Variants in RCOR1 observed in about 807,000 individuals in gnomAD.
RCOR1 encodes REST corepressor 1.
In RCOR1, 12 loss-of-function variants were observed where a neutral mutation model predicts 64.0. That is an observed-to-expected ratio of 0.19 (90% CI 0.12 to 0.30). RCOR1 has a LOEUF of 0.30. Among genes scored for constraint, RCOR1 ranks in the 10% least tolerant of loss-of-function variants. The probability of loss-of-function intolerance (pLI) is 1.00; values close to 1 mark genes in which losing one functional copy is unlikely to be tolerated. For synonymous variants in RCOR1, 279 were observed against 227.2 expected (o/e 1.23, Z -2.05); for missense variants, 502 against 621.2 (o/e 0.81, Z 2.04).
intron 8 of RCOR1, among the ~76,000 whole-genome samples, chr14:102,715,641 C>T (rs1340265092): frequency 6.6e-6 from 1 of 152,150 alleles, no homozygotes; most frequent in Non-Finnish European, 1.5e-5. Context: ...CCTCAGCCTC[C>T]CAAAGTGTAC....
chr14:102,661,467 TA>T (rs1177815833), intron 2 of RCOR1, among the ~76,000 whole-genome samples: 1 of 152,254 alleles, frequency 6.6e-6, no homozygotes, highest in African/African-American at 2.4e-5. Flanking sequence ...TTCATGAAAC[TA>T]CAGTATGTCT....
intron 2 of RCOR1, among the ~76,000 whole-genome samples, chr14:102,677,126 C>G (rs1895189192): frequency 7.2e-6 from 1 of 138,674 alleles, no homozygotes; most frequent in South Asian, 2.3e-4. Flanking sequence ...AGCCCCTCAC[C>G]TCCCGGACGG....
intron 2 of RCOR1, among the ~76,000 whole-genome samples, chr14:102,602,384 CTTTTCTTTTCTTTT>C (rs1441515775): frequency 1.1e-4 from 13 of 117,214 alleles, no homozygotes; most frequent in Admixed American, 6.1e-4. Context: ...TTTTTCTTTT[CTTTTCTTTTCTTTT>C]TTTTTTTTTT....
chr14:102,636,785 C>T (rs1033976153), intron 2 of RCOR1, among the ~76,000 whole-genome samples: 7 of 151,858 alleles, frequency 4.6e-5, no homozygotes, highest in Non-Finnish European at 1.5e-5. Context: ...GCCTGGCCAA[C>T]ATGGTGAAAC....
rs1896346501 is a variant in RCOR1, at chr14:102,730,298, A to T, written c.*3792A>T. The T allele has an allele frequency of 3.2e-6, 1 of 315,276 alleles. No individual in the cohort carries two copies. The highest frequency in any genetic ancestry group is 2.1e-5 in the African/African-American group (1 of 47,004). The allele number at this position is 315,276 out of a possible 1,614,324, so 19.5% of individuals were successfully genotyped here. ...GAAATGCTGTATATCTTTTGAAGTGATGAAATCCACGTTGGAATTTTAAAG... is the reference window on the plus strand; with the variant it reads ...GAAATGCTGTATATCTTTTGAAGTGTTGAAATCCACGTTGGAATTTTAAAG... On this transcript the variant is annotated 3_prime_UTR_variant, in exon 12 of 12. Coordinates refer to ENST00000262241, the MANE Select transcript of RCOR1 (RefSeq NM_015156.4).
At chr14:102,689,033 G>A (rs927333519) in intron 3 of RCOR1, among the ~76,000 whole-genome samples, 1 of 152,126 alleles carries the variant, frequency 6.6e-6, no homozygotes, top group Non-Finnish European at 1.5e-5. Flanking sequence ...GTGTACTTTT[G>A]ACAGTCCCCT....
At chr14:102,595,584 T>TC (rs1244640383) in intron 2 of RCOR1, among the ~76,000 whole-genome samples, 1 of 151,492 alleles carries the variant, frequency 6.6e-6, no homozygotes, top group East Asian at 1.9e-4. Flanking sequence ...CAAATTTCTT[T>TC]TTTTTTTTTT....
Position 102,714,434 on chromosome 14 carries a change from T to C in RCOR1, c.870T>C (p.Thr290=). The C allele has an allele frequency of 6.2e-7, 1 of 1,607,744 alleles. No homozygotes were observed. The highest frequency in any genetic ancestry group is 8.5e-7 in the Non-Finnish European group (1 of 1,176,262). ...NKESKKEVPP[T]ETVPQVKKEK... ...TGTATATCATGCAGGTTCCCCCTAC[T>C]GAGACAGTTCCTCAGGTCAAAAAAG... Residue 290 remains threonine (T), a synonymous_variant, in exon 8 of 12, where the codon ACT becomes ACC. Coordinates refer to ENST00000262241, the MANE Select transcript of RCOR1 (RefSeq NM_015156.4).
At chr14:102,629,295 C>T (rs1248826470) in intron 2 of RCOR1, among the ~76,000 whole-genome samples, 1 of 152,154 alleles carries the variant, frequency 6.6e-6, no homozygotes, top group Non-Finnish European at 1.5e-5. Context: ...TCCTGTTCCC[C>T]TTCCTTGTTT....
intron 4 of RCOR1, among the ~76,000 whole-genome samples, chr14:102,705,619 G>C (rs1895836894): frequency 6.6e-6 from 1 of 151,910 alleles, no homozygotes; most frequent in South Asian, 2.1e-4. Context: ...TGGCTAACTT[G>C]TTGTTGTTTG....
At chr14:102,594,271 T>C (rs777594773) in intron 2 of RCOR1, among the ~76,000 whole-genome samples, 4 of 152,238 alleles carry the variant, frequency 2.6e-5, no homozygotes, top group African/African-American at 4.8e-5. Flanking sequence ...AAGAGCATCT[T>C]GTAAAGCTGG....
chr14:102,705,603 C>T (rs886963752), intron 4 of RCOR1, among the ~76,000 whole-genome samples: 3 of 152,078 alleles, frequency 2.0e-5, no homozygotes, highest in Admixed American at 2.0e-4. Flanking sequence ...CGCGCACCAC[C>T]ATGCCTGGCT....
At chr14:102,626,239 T>C (rs962556905) in intron 2 of RCOR1, among the ~76,000 whole-genome samples, 5 of 152,216 alleles carry the variant, frequency 3.3e-5, no homozygotes, top group African/African-American at 1.2e-4. Context: ...TTTCATTAGT[T>C]CTTTTGGCTA....
chr14:102,604,556 CAG>C (rs1287870922), intron 2 of RCOR1, among the ~76,000 whole-genome samples: 1 of 152,142 alleles, frequency 6.6e-6, no homozygotes, highest in Non-Finnish European at 1.5e-5. Flanking sequence ...GATGAGGAAA[CAG>C]AGGCATTGAG....
In RCOR1 at chr14:102,601,307, C is replaced by G. The variant is rs146580198; in HGVS notation, c.361+7982C>G. 6.1e-3 allele frequency among the ~76,000 whole-genome samples: 930 copies of G among 152,298 alleles called. 14 individuals are homozygous for G. Among genetic ancestry groups the G allele is most frequent in the African/African-American group, 0.021 (887 of 41,564 alleles). On this transcript the variant is annotated intron_variant, in intron 2 of 11. Coordinates refer to ENST00000262241, the MANE Select transcript of RCOR1 (RefSeq NM_015156.4). The stretch of plus-strand genomic sequence containing the variant: ...GGATTACAGGCTTGAGCCACCGCAC[C>G]CGACCAAACACTGATTTAATACTAG...
chr14:102,709,721 T>C (rs1895920138), intron 6 of RCOR1, among the ~76,000 whole-genome samples: 1 of 152,264 alleles, frequency 6.6e-6, no homozygotes, highest in East Asian at 1.9e-4. Flanking sequence ...TATTTATGGA[T>C]GAGTACTCTT....
At chr14:102,721,902 A>G (rs1482734214) in intron 10 of RCOR1, among the ~76,000 whole-genome samples, 2 of 152,162 alleles carry the variant, frequency 1.3e-5, no homozygotes, top group African/African-American at 4.8e-5. Flanking sequence ...TGCGATACCA[A>G]AAGATGAATG....
intron 2 of RCOR1, among the ~76,000 whole-genome samples, chr14:102,620,695 C>T (rs1198590509): frequency 1.3e-5 from 2 of 152,090 alleles, no homozygotes; most frequent in East Asian, 1.9e-4. Context: ...CACTCCATCC[C>T]GGGCCACAGA....
chr14:102,599,190 C>G (rs1001523944), intron 2 of RCOR1, among the ~76,000 whole-genome samples: 2 of 151,460 alleles, frequency 1.3e-5, no homozygotes, highest in African/African-American at 4.9e-5. Flanking sequence ...GTGGTGTGAT[C>G]ATGGCGGCAG....
Sources: gnomAD v4.1 joint callset for allele counts (sites outside exome capture counted in the v4.1 genomes callset) on GRCh38, gnomAD v4.1.1 for gene constraint, MANE v1.5 for transcripts, NCBI Gene and HGNC (gene_info 2026-07-23, HGNC 2026-07-21) for gene names.